USP19: variants seen among roughly 807,000 people sequenced by gnomAD.
The protein encoded by USP19 is ubiquitin carboxyl-terminal hydrolase 19.
In USP19, 40 loss-of-function variants were observed where a neutral mutation model predicts 144.8. The observed-to-expected ratio is 0.28, with a 90% confidence interval of 0.21 to 0.36. The LOEUF (loss-of-function observed/expected upper bound fraction) is 0.36, where lower values mean the gene tolerates loss of function less well. USP19 is among the 10% of genes least tolerant of loss of function. The pLI, the probability that USP19 is intolerant of heterozygous loss-of-function variation, is 1.00. For synonymous variants in USP19, 701 were observed against 709.3 expected, an observed-to-expected ratio of 0.99 and a Z score of 0.19; for missense variants, 1,518 against 1,822.5, an observed-to-expected ratio of 0.83 and a Z score of 3.04.
chr3:49,114,654 G>T lies in USP19; in HGVS notation c.2292+109C>A. 2 of 1,214,572 alleles carry T rather than the reference G, an allele frequency of 1.6e-6. No homozygotes were observed. Among genetic ancestry groups the T allele is most frequent in the Non-Finnish European group, 2.3e-6 (2 of 851,972 alleles). 75.2% of individuals were successfully genotyped at this position (1,214,572 alleles called of 1,614,324 possible). ...CTAAGGCCTCCCTGCCAGCTTCTTTGCCCAAACCTTGCCCTGTAGCACCTT... is the reference window on the plus strand; with the variant it reads ...CTAAGGCCTCCCTGCCAGCTTCTTTTCCCAAACCTTGCCCTGTAGCACCTT... On this transcript the variant is annotated intron_variant, in intron 15 of 26. Coordinates refer to ENST00000417901, the MANE Select transcript of USP19 (RefSeq NM_001199161.2). The surrounding 1 kb of genome is among the most constrained non-coding windows in gnomAD (Gnocchi z 4.5).
At position 49,110,366 on chromosome 3, in the gene USP19, C is replaced by T. The variant is rs1470088475; in HGVS notation, c.3860-4G>A. ...CTGTCATCAAACAAGCGCCAGCCTA[C>T]AGCAGGGTGGGAAGAGTGTGAACAA... On this transcript the variant is annotated splice_polypyrimidine_tract_variant and splice_region_variant and intron_variant, in intron 25 of 26. Transcript: ENST00000417901. This position sits in a 1 kb window ranked among gnomAD's most constrained non-coding sequence, Gnocchi z 6.1. The T allele has an allele frequency of 6.3e-6, 10 of 1,595,340 alleles. No individual in the cohort carries two copies. In the African/African-American group the frequency reaches 8.0e-5, roughly 13 times the overall value.
In USP19 at chr3:49,111,158, G is replaced by GGGT; in HGVS notation, c.3334_3336dup (p.Thr1112dup). The GGGT allele has an allele frequency of 6.2e-7, 1 of 1,613,874 alleles. No individual in the cohort carries two copies. Among genetic ancestry groups the GGGT allele is most frequent in the Non-Finnish European group, 8.5e-7 (1 of 1,180,036 alleles). The stretch of plus-strand genomic sequence containing the variant: ...CTACAGTCGTCACCCAGCTCCAGTG[G>GGGT]GGTGTCTCCTGGAGATTCGCAGGGA... On this transcript the variant is annotated inframe_insertion, in exon 23 of 27. Transcript: ENST00000417901. This position sits in a 1 kb window ranked among gnomAD's most constrained non-coding sequence, Gnocchi z 5.9.
rs370148764 is a variant in USP19, at chr3:49,114,138, C to T, written c.2403+36G>A. On this transcript the variant is annotated intron_variant, in intron 16 of 26. Transcript: ENST00000417901. The surrounding 1 kb of genome is among the most constrained non-coding windows in gnomAD (Gnocchi z 4.5). ...CAGTGAGGGAGGTGGGCCACGTTCT[C>T]TAGAACAGCCCAGAGGGTAGGGGCT... is the stretch of plus-strand genomic sequence containing the variant. 6.6e-5 allele frequency: 107 copies of T among 1,614,036 alleles called. No homozygotes were observed. Among genetic ancestry groups the T allele is most frequent in the Non-Finnish European group, 8.7e-5 (103 of 1,179,980 alleles).
At position 49,117,627 on chromosome 3, in the gene USP19, T is replaced by C. The variant is rs2044386224; in HGVS notation, c.472+30A>G. On this transcript the variant is annotated intron_variant, in intron 4 of 26. Transcript: ENST00000417901. This position sits in a 1 kb window ranked among gnomAD's most constrained non-coding sequence, Gnocchi z 4.4. ...TAGGAGATATCAGAAGATTCAAACA[T>C]ACTACTGTGCTCAGGGCAGATGGAC... 1.2e-6 allele frequency: 2 copies of C among 1,613,892 alleles called. No homozygotes were observed. The highest frequency in any genetic ancestry group is 1.6e-4 in the Middle Eastern group (1 of 6,084).
Position 49,115,129 on chromosome 3 carries a change from A to G in USP19, c.2023-12T>C. 1 of 1,613,392 alleles carries G rather than the reference A, an allele frequency of 6.2e-7. No individual in the cohort carries two copies. Among genetic ancestry groups the G allele is most frequent in the Non-Finnish European group, 8.5e-7 (1 of 1,179,502 alleles). On this transcript the variant is annotated splice_polypyrimidine_tract_variant and intron_variant, in intron 13 of 26. Coordinates refer to ENST00000417901, the MANE Select transcript of USP19 (RefSeq NM_001199161.2). This position sits in a 1 kb window ranked among gnomAD's most constrained non-coding sequence, Gnocchi z 6.6. Reference sequence around the variant, plus strand: ...CTCGCCACAATGGCCTGGATACAGGAGCCAAGGTGTGAACATGAAGCCCTA... The same window carrying G: ...CTCGCCACAATGGCCTGGATACAGGGGCCAAGGTGTGAACATGAAGCCCTA...
At chr3:49,119,423 T>G (rs561941191) in intron 1 of USP19, 142 bp from the exon 2 acceptor site, 83 of 338,810 alleles carry the variant, frequency 2.4e-4, no homozygotes, top group African/African-American at 1.5e-3. Flanking sequence ...TCTCAGGATA[T>G]TCTGAAGAGG....
intron 17 of USP19, 64 bp downstream of exon 17, chr3:49,113,928 C>T (rs2043628724): frequency 3.9e-6 from 6 of 1,544,344 alleles, no homozygotes; most frequent in Non-Finnish European, 4.5e-6. Context: ...TGACTGTACA[C>T]ACGTCTGTGG....
rs915219584 is a variant in USP19, at chr3:49,119,266, G to T, written c.-121C>A. On this transcript the variant is annotated 5_prime_UTR_variant, in exon 2 of 27. The change creates a new upstream start codon in the 5' untranslated region. Coordinates refer to ENST00000417901, the MANE Select transcript of USP19 (RefSeq NM_001199161.2). Reference sequence around the variant, plus strand: ...CAACTCTTTGTGGCCAAATTCTCCAGCAAGGAACGGACAGCCTAATGGAAA... The same window carrying T: ...CAACTCTTTGTGGCCAAATTCTCCATCAAGGAACGGACAGCCTAATGGAAA... The T allele has an allele frequency of 1.1e-4, 154 of 1,359,050 alleles. No individual in the cohort carries two copies. The highest frequency in any genetic ancestry group is 1.4e-4 in the Non-Finnish European group (145 of 1,014,888). 84.2% of individuals were successfully genotyped at this position (1,359,050 alleles called of 1,614,324 possible).
Position 49,117,587 on chromosome 3 carries a change from GTC to G in USP19, c.473-19_473-18del. Reference sequence around the variant, plus strand: ...GCTGACCACCTGGGGACAGAGCAGGGTCCATGAGGTAGGATAGGAGATATCAG... The same window carrying G: ...GCTGACCACCTGGGGACAGAGCAGGGCATGAGGTAGGATAGGAGATATCAG... On this transcript the variant is annotated intron_variant, in intron 4 of 26. Coordinates refer to ENST00000417901, the MANE Select transcript of USP19 (RefSeq NM_001199161.2). The surrounding 1 kb of genome is among the most constrained non-coding windows in gnomAD (Gnocchi z 4.4). The G allele has an allele frequency of 6.2e-7, 1 of 1,614,104 alleles. No homozygotes were observed. Among genetic ancestry groups the G allele is most frequent in the Non-Finnish European group, 8.5e-7 (1 of 1,180,026 alleles).
chr3:49,113,232 T>G (rs1348121627), intron 17 of USP19, among the ~76,000 whole-genome samples: 2 of 152,226 alleles, frequency 1.3e-5, no homozygotes, highest in East Asian at 3.8e-4. Flanking sequence ...CATCGCCTGT[T>G]TTTGTACAGT....
Position 49,118,019 on chromosome 3 carries a change from G to C in USP19, c.226C>G (p.His76Asp). The C allele has an allele frequency of 1.2e-6, 2 of 1,603,384 alleles. No homozygotes were observed. Among genetic ancestry groups the C allele is most frequent in the Non-Finnish European group, 1.7e-6 (2 of 1,177,462 alleles). Residue 76 changes from histidine to aspartate, a missense_variant, in exon 3 of 27, where the codon CAC becomes GAC. This residue lies in a region of USP19 where 707 missense variants were observed against 728.9 expected (regional missense o/e 0.97). Coordinates refer to ENST00000417901, the MANE Select transcript of USP19 (RefSeq NM_001199161.2). ...GAAGGAAAGAACAGCCGGGTACGGT[G>C]GCGTGAGCCTGTGATCCCAGCTGCA... ...SHAAGITGSR[H>D]RTRLFFPSSS...
rs780201393 is a variant in USP19 at position 49,116,622 on chromosome 3, T to C, written c.1127-15A>G. On this transcript the variant is annotated splice_polypyrimidine_tract_variant and intron_variant, in intron 7 of 26. Transcript: ENST00000417901. The surrounding 1 kb of genome is among the most constrained non-coding windows in gnomAD (Gnocchi z 5.0). ...CGACTCGGGCTCTATATTGAGACCATGGCTCAGCCCCAACCAGGACAGGTT... is the reference window on the plus strand; with the variant it reads ...CGACTCGGGCTCTATATTGAGACCACGGCTCAGCCCCAACCAGGACAGGTT... 5 of 1,614,100 alleles carry C rather than the reference T, an allele frequency of 3.1e-6. No individual in the cohort carries two copies. The highest frequency in any genetic ancestry group is 1.6e-4 in the Middle Eastern group (1 of 6,062).
At position 49,116,499 on chromosome 3, in the gene USP19, G is replaced by A. The variant is rs1446794917; in HGVS notation, c.1235C>T (p.Ser412Leu). The change falls in exon 8 of 27, where the codon TCA (serine) becomes TTA (leucine). Residue 412 changes from serine (S) to leucine (L), a missense_variant. Ser to Leu is a moderately radical substitution (Grantham distance 145). Transcript: ENST00000417901. This position sits in a 1 kb window ranked among gnomAD's most constrained non-coding sequence, Gnocchi z 5.0. ...VYVKEICRDTSRVLFREQDFT... is the reference protein window; with the variant it reads ...VYVKEICRDTLRVLFREQDFT... ...GTCCTGCTCACGGAAAAGTACTCTT[G>A]AGGTGTCCCTGCAGATCTCCTTCAC... The A allele has an allele frequency of 1.2e-6, 2 of 1,614,062 alleles. No homozygotes were observed. The highest frequency in any genetic ancestry group is 2.2e-5 in the East Asian group (1 of 44,900).
In USP19 at chr3:49,110,182, A is replaced by C. The variant is rs1575424224; in HGVS notation, c.4038+2T>G. 6.6e-7 allele frequency: 1 copy of C among 1,516,090 alleles called. No individual in the cohort carries two copies. The highest frequency in any genetic ancestry group is 8.8e-7 in the Non-Finnish European group (1 of 1,132,864). 93.9% of individuals were successfully genotyped at this position (1,516,090 alleles called of 1,614,324 possible). The stretch of plus-strand genomic sequence containing the variant: ...TTCTGTAAAGCCTCCCACATGCCTC[A>C]CCTGGCTGGCAGCAGCCTCAGCTGC... On this transcript the variant is annotated splice_donor_variant, in intron 26 of 26. Coordinates refer to ENST00000417901, the MANE Select transcript of USP19 (RefSeq NM_001199161.2). LOFTEE classifies it high-confidence loss of function. This position sits in a 1 kb window ranked among gnomAD's most constrained non-coding sequence, Gnocchi z 6.1.
In USP19 at chr3:49,117,477, A is replaced by G; in HGVS notation, c.566T>C (p.Leu189Pro). The change falls in exon 5 of 27, where the codon CTG (leucine) becomes CCG (proline). Residue 189 changes from leucine to proline, a missense_variant. Leu to Pro is a moderately conservative substitution (Grantham distance 98). Transcript: ENST00000417901. This position sits in a 1 kb window ranked among gnomAD's most constrained non-coding sequence, Gnocchi z 4.4. ...CGTGAGCATAGGCACCTTTTTGGGC[A>G]GTGTCAGGTGCAGGAGACTGCCCTT... Reference protein sequence around the residue: ...TRKGSLLHLTLPKKVPMLTWP... With the variant: ...TRKGSLLHLTPPKKVPMLTWP... 1 of 1,614,152 alleles carries G rather than the reference A, an allele frequency of 6.2e-7. No homozygotes were observed. The highest frequency in any genetic ancestry group is 8.5e-7 in the Non-Finnish European group (1 of 1,180,036).
Position 49,110,490 on chromosome 3 carries a change from G to C in USP19, c.3813C>G (p.Ala1271=). 1 of 1,614,186 alleles carries C rather than the reference G, an allele frequency of 6.2e-7. No homozygotes were observed. The highest frequency in any genetic ancestry group is 2.2e-5 in the East Asian group (1 of 44,888). Residue 1271 remains alanine, a synonymous_variant, in exon 25 of 27, where the codon GCC becomes GCG. Coordinates refer to ENST00000417901, the MANE Select transcript of USP19 (RefSeq NM_001199161.2). The surrounding 1 kb of genome is among the most constrained non-coding windows in gnomAD (Gnocchi z 6.1). ...TACGATCATTGGGCAGGCGTGCACA[G>C]GCAGTGTAGTGGCCACCAATCATGC... The part of the protein sequence containing the change: ...YGGMIGGHYT[A]CARLPNDRSS...
rs1461447872 is a variant in USP19, at chr3:49,108,461, G to T, written c.4106C>A (p.Pro1369His). ...TRTAPERFAP[P>H]VDRPAPTYSN... ...GTAGGTGGGGGCTGGCCGATCCACA[G>T]GGGGGGCGAAGCGTTCAGGGGCTGT... is the stretch of plus-strand genomic sequence containing the variant. The change falls in exon 27 of 27, where the codon CCT (proline) becomes CAT (histidine). Residue 1369 changes from proline (P) to histidine (H), a missense_variant. Physicochemically the swap from Pro to His is moderately conservative, Grantham distance 77. Transcript: ENST00000417901. This position sits in a 1 kb window ranked among gnomAD's most constrained non-coding sequence, Gnocchi z 4.8. 13 of 1,346,486 alleles carry T rather than the reference G, an allele frequency of 9.7e-6. No homozygotes were observed. In the Admixed American group the frequency reaches 3.4e-4, roughly 35 times the overall value. 83.4% of individuals were successfully genotyped at this position (1,346,486 alleles called of 1,614,324 possible).
Position 49,111,075 on chromosome 3 carries a change from G to A in USP19, c.3420C>T (p.Ser1140=). The A allele has an allele frequency of 1.2e-6, 2 of 1,613,946 alleles. No individual in the cohort carries two copies. The highest frequency in any genetic ancestry group is 1.7e-6 in the Non-Finnish European group (2 of 1,180,004). ...ERLQEFVLVA[S]KELECAEDPG... ...GATCCTCAGCACATTCCAGCTCCTT[G>A]GAGGCTACCAACACAAACTCCTGCA... Residue 1140 remains serine, a synonymous_variant, in exon 23 of 27, where the codon TCC becomes TCT. Coordinates refer to ENST00000417901, the MANE Select transcript of USP19 (RefSeq NM_001199161.2). This position sits in a 1 kb window ranked among gnomAD's most constrained non-coding sequence, Gnocchi z 5.9.
At position 49,108,438 on chromosome 3, in the gene USP19, A is replaced by G; in HGVS notation, c.4129T>C (p.Tyr1377His). Residue 1377 changes from tyrosine (Y) to histidine (H), a missense_variant, in exon 27 of 27, where the codon TAC becomes CAC. By Grantham distance (83) the Tyr-to-His change is moderately conservative. Transcript: ENST00000417901. This position sits in a 1 kb window ranked among gnomAD's most constrained non-coding sequence, Gnocchi z 4.8. ...APPVDRPAPT[Y>H]SNMEEVD Reference sequence around the variant, plus strand: ...TAATCCACCTCCTCCATGTTGCTGTAGGTGGGGGCTGGCCGATCCACAGGG... The same window carrying G: ...TAATCCACCTCCTCCATGTTGCTGTGGGTGGGGGCTGGCCGATCCACAGGG... 2 of 1,381,552 alleles carry G rather than the reference A, an allele frequency of 1.4e-6. No homozygotes were observed. Among genetic ancestry groups the G allele is most frequent in the Non-Finnish European group, 1.9e-6 (2 of 1,054,224 alleles). The allele number at this position is 1,381,552 out of a possible 1,614,324, so 85.6% of individuals were successfully genotyped here. A position where few individuals can be genotyped will look rare whatever the true frequency, so the allele number is the denominator to read the frequency against.
Sources: gnomAD v4.1 joint callset for allele counts (sites outside exome capture counted in the v4.1 genomes callset) on GRCh38, gnomAD v4.1.1 for gene constraint, gnomAD v4.1.1 regional missense constraint, Gnocchi (gnomAD v3.1) non-coding constraint, MANE v1.5 for transcripts, NCBI Gene and HGNC (gene_info 2026-07-23, HGNC 2026-07-21) for gene names.